Variants in ADGRL3 observed in about 807,000 individuals in gnomAD.
ADGRL3 encodes adhesion G protein-coupled receptor L3.
In ADGRL3, 62 loss-of-function variants were observed where a neutral mutation model predicts 153.5. The observed-to-expected ratio is 0.40, with a 90% CI of 0.33 to 0.50. The LOEUF is 0.50. Ranked by LOEUF, ADGRL3 falls within the 20% of genes least tolerant of loss-of-function variation. ADGRL3 has a pLI of 0.47. For synonymous variants in ADGRL3, 710 were observed against 672.5 expected (o/e 1.06, Z -0.86); for missense variants, 1,641 against 1,859.4 (o/e 0.88, Z 2.16).
At position 61,980,256 on chromosome 4, in the gene ADGRL3, G is replaced by A. The variant is rs1288728432; in HGVS notation, c.3015+484G>A. ...TTTTTCACTGCCTTGAAAATCATCT[G>A]TGCTTCCTCTGTTTATCCCCCCTTT... On this transcript the variant is annotated intron_variant, in intron 18 of 26. Coordinates refer to ENST00000683033, the MANE Select transcript of ADGRL3 (RefSeq NM_001387552.1). 4.2e-5 allele frequency among the ~76,000 whole-genome samples: 6 copies of A among 141,278 alleles called. No individual in the cohort carries two copies. The East Asian group carries it at 1.2e-3, about 29-fold the overall frequency. 92.7% of individuals were successfully genotyped at this position (141,278 alleles called of 152,430 possible).
chr4:62,038,931 T>C (rs575723065), intron 24 of ADGRL3, among the ~76,000 whole-genome samples: 1 of 151,912 alleles, frequency 6.6e-6, no homozygotes, highest in African/African-American at 2.4e-5. Context: ...CATGATTCAG[T>C]AGAAAAAAAA....
chr4:61,975,647 C>T (rs999229850), intron 17 of ADGRL3, among the ~76,000 whole-genome samples: 1 of 151,990 alleles, frequency 6.6e-6, no homozygotes, highest in African/African-American at 2.4e-5. Flanking sequence ...GGATTAGGGC[C>T]AATGTAGGGA....
chr4:61,754,565 C>A (rs1188163549), intron 8 of ADGRL3, among the ~76,000 whole-genome samples: 1 of 151,722 alleles, frequency 6.6e-6, no homozygotes, highest in African/African-American at 2.4e-5. Flanking sequence ...TTGTAACCAC[C>A]CAATGGGTTC....
chr4:61,678,933 T>C (rs970277533), intron 6 of ADGRL3, among the ~76,000 whole-genome samples: 4 of 152,004 alleles, frequency 2.6e-5, no homozygotes, highest in Non-Finnish European at 5.9e-5. Context: ...TAAACTATAG[T>C]GATCATTCAA....
chr4:61,827,159 G>GTAT (rs1350331043), intron 9 of ADGRL3, among the ~76,000 whole-genome samples: 1 of 152,166 alleles, frequency 6.6e-6, no homozygotes, highest in African/African-American at 2.4e-5. Flanking sequence ...ATACCCTGGG[G>GTAT]TTAAAGCCTT....
At chr4:61,838,260 A>G (rs541899718) in intron 9 of ADGRL3, among the ~76,000 whole-genome samples, 2 of 152,288 alleles carry the variant, frequency 1.3e-5, no homozygotes, top group African/African-American at 2.4e-5. Context: ...ATAAAAATCA[A>G]ATTTAAATCA....
chr4:62,042,328 G>A (rs1017525809), intron 24 of ADGRL3, among the ~76,000 whole-genome samples: 4 of 151,928 alleles, frequency 2.6e-5, no homozygotes, highest in Non-Finnish European at 4.4e-5. Context: ...ACTGTTGGGG[G>A]AATGTAGTAG....
chr4:61,907,543 C>T (rs535023957), intron 11 of ADGRL3, among the ~76,000 whole-genome samples: 1 of 151,768 alleles, frequency 6.6e-6, no homozygotes, highest in East Asian at 1.9e-4. Flanking sequence ...AGGCATGAGC[C>T]ACCGTGCCCA....
At chr4:61,923,467 A>C (rs557822110) in intron 13 of ADGRL3, among the ~76,000 whole-genome samples, 7 of 152,106 alleles carry the variant, frequency 4.6e-5, no homozygotes, top group Admixed American at 2.0e-4. Context: ...TTTTTGAACT[A>C]CAGTGCTTGA....
At chr4:61,704,989 A>AG (rs1249389329) in intron 6 of ADGRL3, among the ~76,000 whole-genome samples, 7 of 152,112 alleles carry the variant, frequency 4.6e-5, no homozygotes, top group African/African-American at 1.7e-4. Context: ...GAAGTCTTGA[A>AG]CCCTTCAAAG....
chr4:61,329,618 T>C (rs1226114810), intron 1 of ADGRL3, among the ~76,000 whole-genome samples: 1 of 152,200 alleles, frequency 6.6e-6, no homozygotes, highest in Non-Finnish European at 1.5e-5. Flanking sequence ...TATCTTTCTG[T>C]GGTGTGCACA....
chr4:61,439,685 A>C (rs1365504458), intron 2 of ADGRL3, among the ~76,000 whole-genome samples: 1 of 151,884 alleles, frequency 6.6e-6, no homozygotes, highest in Non-Finnish European at 1.5e-5. Context: ...ACTCCCACTT[A>C]TGAGTGAGAA....
chr4:61,822,875 T>G (rs1212081244), intron 9 of ADGRL3, among the ~76,000 whole-genome samples: 1 of 152,176 alleles, frequency 6.6e-6, no homozygotes, highest in African/African-American at 2.4e-5. Context: ...AATAAAGGCT[T>G]GGTACTGTCA....
intron 6 of ADGRL3, among the ~76,000 whole-genome samples, chr4:61,686,170 G>T (rs971981837): frequency 1.3e-5 from 2 of 152,060 alleles, no homozygotes; most frequent in African/African-American, 4.8e-5. Context: ...AAAGAAATTT[G>T]TATAAGTTAT....
intron 2 of ADGRL3, among the ~76,000 whole-genome samples, chr4:61,423,288 G>C (rs1484993579): frequency 6.6e-6 from 1 of 152,150 alleles, no homozygotes; most frequent in African/African-American, 2.4e-5. Context: ...TAGACAAACA[G>C]GATGATTAAG....
At chr4:61,476,708 TAAAAAAAAAAAA>T (rs34866230) in intron 2 of ADGRL3, among the ~76,000 whole-genome samples, 1 of 33,558 alleles carries the variant, frequency 3.0e-5, no homozygotes, top group Non-Finnish European at 4.8e-5. Context: ...AGACTCTGTC[TAAAAAAAAAAAA>T]AAAAAAAAAA....
At chr4:61,482,439 C>G (rs2098140987) in intron 2 of ADGRL3, among the ~76,000 whole-genome samples, 1 of 152,054 alleles carries the variant, frequency 6.6e-6, no homozygotes, top group Non-Finnish European at 1.5e-5. Context: ...TAGCCGGAGC[C>G]AAATATTAAA....
intron 8 of ADGRL3, among the ~76,000 whole-genome samples, chr4:61,770,318 C>CA (rs147617502): frequency 0.011 from 1,689 of 152,198 alleles, 33 homozygotes; most frequent in African/African-American, 0.038. Context: ...AGTTTGTTTT[C>CA]AAAACGCCTA....
At chr4:61,904,251 C>A (rs947941360) in intron 11 of ADGRL3, among the ~76,000 whole-genome samples, 1 of 143,732 alleles carries the variant, frequency 7.0e-6, no homozygotes, top group African/African-American at 2.6e-5. Flanking sequence ...TAGAGATTTT[C>A]TTATTTTACT....
Sources: allele counts gnomAD v4.1 joint callset (sites outside exome capture counted in the v4.1 genomes callset), GRCh38; gene constraint gnomAD v4.1.1; transcripts MANE v1.5; gene names NCBI Gene and HGNC (gene_info 2026-07-23, HGNC 2026-07-21).